WDR7: variants seen among roughly 807,000 people sequenced by gnomAD.
WDR7 encodes the protein WD repeat-containing protein 7.
Under a neutral mutation model 169.4 loss-of-function variants are expected in WDR7, and 46 were observed. The ratio of observed to expected loss-of-function variants is 0.27; its 90% CI spans 0.21 to 0.35. WDR7 has a LOEUF of 0.35. WDR7 is among the 10% of genes least tolerant of loss of function. WDR7 has a pLI of 1.00. For synonymous variants in WDR7, 612 were observed against 666.8 expected, an observed-to-expected ratio of 0.92 and a Z score of 1.27; for missense variants, 1,534 against 1,859.3, an observed-to-expected ratio of 0.83 and a Z score of 3.22.
chr18:56,840,650 A>G (rs113367649), intron 20 of WDR7, among the ~76,000 whole-genome samples: 14,387 of 151,758 alleles, frequency 0.095, 1,731 homozygotes, highest in African/African-American at 0.28. Flanking sequence ...GCAAAACCCT[A>G]TCTCTACAAA....
chr18:56,765,710 T>TA (rs2044053387), intron 16 of WDR7, among the ~76,000 whole-genome samples: 1 of 152,178 alleles, frequency 6.6e-6, no homozygotes, highest in Non-Finnish European at 1.5e-5. Context: ...CATTCCTTTG[T>TA]GTAGATCAAG....
chr18:56,700,093 C>CT (rs1262885109), intron 12 of WDR7, among the ~76,000 whole-genome samples: 8 of 151,682 alleles, frequency 5.3e-5, no homozygotes, highest in Non-Finnish European at 8.8e-5. Context: ...GTTAGTGGGA[C>CT]TTTTAATTAC....
chr18:56,824,289 C>T, intron 20 of WDR7, among the ~76,000 whole-genome samples: 1 of 152,184 alleles, frequency 6.6e-6, no homozygotes, highest in South Asian at 2.1e-4. Context: ...TATAATATCT[C>T]CCTGTTCATT....
intron 12 of WDR7, among the ~76,000 whole-genome samples, chr18:56,712,365 G>A (rs1191532109): frequency 6.6e-6 from 1 of 152,160 alleles, no homozygotes; most frequent in Non-Finnish European, 1.5e-5. Flanking sequence ...ATAGCTTGTG[G>A]CATTCTGCTG....
chr18:56,863,700 C>G (rs965886587), intron 20 of WDR7, among the ~76,000 whole-genome samples: 56 of 151,686 alleles, frequency 3.7e-4, no homozygotes, highest in African/African-American at 1.3e-3. Context: ...AACCTTTTCT[C>G]TTGTTATCTG....
chr18:56,791,143 T>TTTTTG (rs140258068), intron 19 of WDR7, among the ~76,000 whole-genome samples: 1 of 152,034 alleles, frequency 6.6e-6, no homozygotes, highest in Non-Finnish European at 1.5e-5. Context: ...CACAGGGTTT[T>TTTTTG]TGTGTGTGTG....
intron 19 of WDR7, among the ~76,000 whole-genome samples, chr18:56,814,679 T>G (rs544419066): frequency 3.8e-4 from 58 of 152,058 alleles, no homozygotes; most frequent in Non-Finnish European, 8.1e-4. Flanking sequence ...AAAAACTACT[T>G]CTTGGGTACT....
intron 13 of WDR7, among the ~76,000 whole-genome samples, chr18:56,720,899 T>G (rs764197214): frequency 1.3e-4 from 20 of 152,170 alleles, no homozygotes; most frequent in African/African-American, 1.9e-4. Flanking sequence ...GCTGGATTTA[T>G]TTTGGATTTC....
At chr18:56,734,371 G>T (rs1260088419) in intron 14 of WDR7, among the ~76,000 whole-genome samples, 1 of 151,960 alleles carries the variant, frequency 6.6e-6, no homozygotes, top group Non-Finnish European at 1.5e-5. Context: ...AGTCTATATA[G>T]TAGGATGCTG....
At position 56,958,745 on chromosome 18, in the gene WDR7, A is replaced by AT. The variant is rs1468525511; in HGVS notation, c.4065-3680dup. Among the ~76,000 whole-genome samples, 3 of 152,200 alleles carry AT rather than the reference A, an allele frequency of 2.0e-5. No homozygotes were observed. The East Asian group carries it at 5.8e-4, about 29-fold the overall frequency. On this transcript the variant is annotated intron_variant, in intron 25 of 27. Transcript: ENST00000254442. Reference sequence around the variant, plus strand: ...GAGAGCCCATTTCTTGATTTCTGCCATTTTTGGACAGTTTTTGTTTCCTTT... The same window carrying AT: ...GAGAGCCCATTTCTTGATTTCTGCCATTTTTTGGACAGTTTTTGTTTCCTTT...
chr18:56,930,049 T>C (rs1022615560), intron 22 of WDR7, among the ~76,000 whole-genome samples: 7 of 152,266 alleles, frequency 4.6e-5, no homozygotes, highest in Admixed American at 4.6e-4. Flanking sequence ...AGTGGAGCAG[T>C]GCCGGCCCAG....
intron 21 of WDR7, among the ~76,000 whole-genome samples, chr18:56,913,698 G>A (rs2046584067): frequency 6.6e-6 from 1 of 152,010 alleles, no homozygotes. Flanking sequence ...AGGAGGCTAA[G>A]GTGGGAGGAT....
intron 20 of WDR7, among the ~76,000 whole-genome samples, chr18:56,861,615 T>C (rs1419824440): frequency 6.6e-6 from 1 of 152,126 alleles, no homozygotes; most frequent in African/African-American, 2.4e-5. Flanking sequence ...ATTTGTGGTT[T>C]CATTTTTTTT....
At chr18:56,961,522 G>A (rs780943788) in intron 25 of WDR7, among the ~76,000 whole-genome samples, 44 of 151,974 alleles carry the variant, frequency 2.9e-4, no homozygotes, top group Admixed American at 7.9e-4. Context: ...TAATGGGAAG[G>A]TATATTTGAA....
chr18:56,680,951 C>G (rs1411198679), intron 3 of WDR7, among the ~76,000 whole-genome samples: 4 of 152,172 alleles, frequency 2.6e-5, no homozygotes, highest in Admixed American at 2.6e-4. Flanking sequence ...CTTTGAGGTT[C>G]AGAGTGAGGG....
rs535699381 is a variant in WDR7, at chr18:57,010,202, G to GA, written c.4165-10536dup. 3.1e-3 allele frequency: 3,087 copies of GA among 985,378 alleles called. 6 individuals carry two copies. The highest frequency in any genetic ancestry group is 3.6e-3 in the Non-Finnish European group (2,977 of 829,906). The allele number at this position is 985,378 out of a possible 1,614,324, so 61.0% of individuals were successfully genotyped here. On this transcript the variant is annotated intron_variant, in intron 26 of 27. Coordinates refer to ENST00000254442, the MANE Select transcript of WDR7 (RefSeq NM_015285.3). Reference sequence around the variant, plus strand: ...CAAATAGTTTTCTATTAGAAATACTGAAAAAAACATTTAGCTTTGGGTTTG... The same window carrying GA: ...CAAATAGTTTTCTATTAGAAATACTGAAAAAAAACATTTAGCTTTGGGTTTG...
At chr18:56,857,744 G>A (rs2045744718) in intron 20 of WDR7, among the ~76,000 whole-genome samples, 2 of 152,098 alleles carry the variant, frequency 1.3e-5, no homozygotes, top group African/African-American at 4.8e-5. Flanking sequence ...GACAGAAAGT[G>A]GCAAATTACA....
intron 26 of WDR7, among the ~76,000 whole-genome samples, chr18:56,976,627 C>A (rs1455679043): frequency 2.0e-5 from 3 of 152,318 alleles, no homozygotes; most frequent in Middle Eastern, 3.4e-3. Flanking sequence ...CCTCAGGGTA[C>A]AACATGGCTG....
chr18:56,853,118 A>G (rs1309581540), intron 20 of WDR7, among the ~76,000 whole-genome samples: 2 of 152,230 alleles, frequency 1.3e-5, no homozygotes, highest in African/African-American at 4.8e-5. Flanking sequence ...TAAAAATTAG[A>G]GAAGTAATAT....
Sources: gnomAD v4.1 joint callset for allele counts (sites outside exome capture counted in the v4.1 genomes callset) on GRCh38, gnomAD v4.1.1 for gene constraint, MANE v1.5 for transcripts, NCBI Gene and HGNC (gene_info 2026-07-23, HGNC 2026-07-21) for gene names.